ASTE1: variants seen among roughly 807,000 people sequenced by gnomAD.
ASTE1 encodes the protein single-strand DNA endonuclease ASTE1.
ASTE1 carries 49 observed loss-of-function variants against 45.8 expected under a neutral mutation model. The observed-to-expected ratio is 1.07, with a 90% CI of 0.85 to 1.36. The LOEUF is 1.36. Among genes scored for constraint, ASTE1 ranks in the 40% most tolerant of loss-of-function variants. The probability of loss-of-function intolerance (pLI) is 0.00; values close to 1 mark genes in which losing one functional copy is unlikely to be tolerated. For missense variants in ASTE1, 709 were observed against 804.0 expected (o/e 0.88, Z 1.43); for synonymous variants, 296 against 303.9 (o/e 0.97, Z 0.27).
At chr3:131,018,436 T>G (rs2063695767) in intron 4 of ASTE1, 70 bp downstream of exon 4, 1 of 1,450,164 alleles carries the variant, frequency 6.9e-7, no homozygotes, top group Non-Finnish European at 9.6e-7. Flanking sequence ...CTTTTTTGTT[T>G]GTGTAAACTC....
intron 5 of ASTE1, 101 bp downstream of exon 5, chr3:131,016,043 G>GTT (rs34645149): frequency 0.029 from 34,749 of 1,205,604 alleles, no homozygotes; most frequent in East Asian, 0.069. Context: ...TTTTGTTTTG[G>GTT]TTTTTTTTTT....
intron 3 of ASTE1, among the ~76,000 whole-genome samples, chr3:131,021,708 T>C (rs1037149559): frequency 2.6e-5 from 4 of 152,200 alleles, no homozygotes; most frequent in African/African-American, 9.7e-5. Flanking sequence ...AGGAACAAGA[T>C]GAAACTTTAG....
In ASTE1 at chr3:131,017,018, C is replaced by T. The variant is rs1030756746; in HGVS notation, c.1514-679G>A. 11 of 1,289,304 alleles carry T rather than the reference C, an allele frequency of 8.5e-6. No homozygotes were observed. In the African/African-American group the frequency reaches 1.7e-4, roughly 20 times the overall value. 79.9% of individuals were successfully genotyped at this position (1,289,304 alleles called of 1,614,324 possible). A position where few individuals can be genotyped will look rare whatever the true frequency, so the allele number is the denominator to read the frequency against. ...TTACCAACTAGCGAGGAGCAAGACA[C>T]TGAGCCTGCCTGGGTACAGGGTCCA... On this transcript the variant is annotated intron_variant, in intron 4 of 5. Coordinates refer to ENST00000264992, the MANE Select transcript of ASTE1 (RefSeq NM_014065.4).
chr3:131,025,667 G>T, intron 1 of ASTE1, 73 bp from the exon 2 acceptor site: 1 of 212,694 alleles, frequency 4.7e-6, no homozygotes, highest in Non-Finnish European at 9.3e-6. Context: ...ATTCTTAAGT[G>T]GTAATAGTCA....
chr3:131,015,699 T>C (rs1381323929), intron 5 of ASTE1, among the ~76,000 whole-genome samples: 2 of 151,038 alleles, frequency 1.3e-5, no homozygotes, highest in African/African-American at 2.4e-5. Context: ...GTAAGCCATA[T>C]GCCAAGTGGT....
At position 131,024,204 on chromosome 3, in the gene ASTE1, A is replaced by G; in HGVS notation, c.1103T>C (p.Ile368Thr). ...ENMQQPNAHR[I>T]SQPIRQIIYG... Reference sequence around the variant, plus strand: ...GATGATTTGCCTGATGGGCTGAGATATTCTGTGGGCATTTGGTTGCTGCAT... The same window carrying G: ...GATGATTTGCCTGATGGGCTGAGATGTTCTGTGGGCATTTGGTTGCTGCAT... Residue 368 changes from isoleucine (I) to threonine (T), a missense_variant, in exon 3 of 6, where the codon ATA becomes ACA. Coordinates refer to ENST00000264992, the MANE Select transcript of ASTE1 (RefSeq NM_014065.4). The G allele has an allele frequency of 6.2e-7, 1 of 1,614,210 alleles. No homozygotes were observed. Among genetic ancestry groups the G allele is most frequent in the South Asian group, 1.1e-5 (1 of 91,092 alleles).
rs115463671 is a variant in ASTE1 at position 131,023,610 on chromosome 3, T to C, written c.1302+395A>G. 7.6e-3 allele frequency among the ~76,000 whole-genome samples: 1,157 copies of C among 152,344 alleles called. 18 individuals are homozygous for C. Among genetic ancestry groups the C allele is most frequent in the African/African-American group, 0.026 (1,101 of 41,572 alleles). ...CTGAAATCCGATGTAGTCTGAGATG[T>C]TGTGCCTATGATTAGTGTCTATACA... On this transcript the variant is annotated intron_variant, in intron 3 of 5. Transcript: ENST00000264992.
In ASTE1 at chr3:131,025,581, GGCT is replaced by G. The variant is rs1389751090; in HGVS notation, c.-136_-134del. ...GTTGTAATCTTTGGATGGTGACAGAGGCTGCTGCTAATTCTAAAGAAAAATCAG... is the reference window on the plus strand; with the variant it reads ...GTTGTAATCTTTGGATGGTGACAGAGGCTGCTAATTCTAAAGAAAAATCAG... On this transcript the variant is annotated 5_prime_UTR_variant, in exon 2 of 6. Transcript: ENST00000264992. The G allele has an allele frequency of 4.8e-6, 2 of 416,772 alleles. No individual in the cohort carries two copies. Among genetic ancestry groups the G allele is most frequent in the African/African-American group, 4.1e-5 (2 of 49,256 alleles). 25.8% of individuals were successfully genotyped at this position (416,772 alleles called of 1,614,324 possible).
At position 131,024,018 on chromosome 3, in the gene ASTE1, C is replaced by CTTAA; in HGVS notation, c.1285_1288dup (p.Ser430IlefsTer6). On this transcript the variant is annotated frameshift_variant, in exon 3 of 6. Coordinates refer to ENST00000264992, the MANE Select transcript of ASTE1 (RefSeq NM_014065.4). LOFTEE classifies it high-confidence loss of function. ...ACAAATACTTACCTCAGTCAATCTGCTTAAGTCAGAATGATCCTTGGCCAG... is the reference window on the plus strand; with the variant it reads ...ACAAATACTTACCTCAGTCAATCTGCTTAATTAAGTCAGAATGATCCTTGGCCAG... 3 of 1,599,846 alleles carry CTTAA rather than the reference C, an allele frequency of 1.9e-6. No individual in the cohort carries two copies.
In ASTE1 at chr3:131,020,352, G is replaced by A. The variant is rs1410991303; in HGVS notation, c.1303-1636C>T. 4.6e-5 allele frequency among the ~76,000 whole-genome samples: 7 copies of A among 152,270 alleles called. No homozygotes were observed. The Middle Eastern group carries it at 0.02, about 444-fold the overall frequency. ...CAACTACTTTCCCTCTTCCCCAGGG[G>A]GAGCGAAAGCACAAGCCTGCAGAAG... is the stretch of plus-strand genomic sequence containing the variant. On this transcript the variant is annotated intron_variant, in intron 3 of 5. Coordinates refer to ENST00000264992, the MANE Select transcript of ASTE1 (RefSeq NM_014065.4).
Position 131,018,594 on chromosome 3 carries a change from G to A in ASTE1, c.1425C>T (p.His475=). ...PIAVSCYWLQ[H]TETKAKLHHL... ...GATGTAGCTTTGCTTTGGTCTCGGTGTGCTGCAACCAGTAGCAACTGACAG... is the reference window on the plus strand; with the variant it reads ...GATGTAGCTTTGCTTTGGTCTCGGTATGCTGCAACCAGTAGCAACTGACAG... Residue 475 remains histidine (H), a synonymous_variant, in exon 4 of 6, where the codon CAC becomes CAT. Coordinates refer to ENST00000264992, the MANE Select transcript of ASTE1 (RefSeq NM_014065.4). 6.2e-7 allele frequency: 1 copy of A among 1,614,054 alleles called. No individual in the cohort carries two copies. The highest frequency in any genetic ancestry group is 8.5e-7 in the Non-Finnish European group (1 of 1,180,008).
Position 131,018,590 on chromosome 3 carries a change from CG to C in ASTE1, c.1428del (p.Glu477ArgfsTer17). The C allele has an allele frequency of 6.2e-7, 1 of 1,613,930 alleles. No individual in the cohort carries two copies. Among genetic ancestry groups the C allele is most frequent in the African/African-American group, 1.3e-5 (1 of 74,970 alleles). ...AGATGATGTAGCTTTGCTTTGGTCT[CG>C]GTGTGCTGCAACCAGTAGCAACTGA... Reference protein sequence around the residue: ...IAVSCYWLQHTETKAKLHHLQ... With the variant: ...IAVSCYWLQHXETKAKLHHLQ... On this transcript the variant is annotated frameshift_variant, in exon 4 of 6. Coordinates refer to ENST00000264992, the MANE Select transcript of ASTE1 (RefSeq NM_014065.4). LOFTEE classifies it high-confidence loss of function.
chr3:131,018,749 C>T, intron 3 of ASTE1, 33 bp from the exon 4 acceptor site: 1 of 1,600,516 alleles, frequency 6.2e-7, no homozygotes, highest in Non-Finnish European at 8.5e-7. Flanking sequence ...CTGCAAGTTA[C>T]TTTGGGAAAT....
At chr3:131,015,307 C>T (rs2063560077) in intron 5 of ASTE1, 1 of 674,136 alleles carries the variant, frequency 1.5e-6, no homozygotes. Flanking sequence ...GAGTTTACAT[C>T]TGAGTGGAGA....
intron 5 of ASTE1, chr3:131,015,391 A>G (rs367910264): frequency 2.2e-5 from 13 of 587,614 alleles, no homozygotes; most frequent in African/African-American, 9.4e-5. Context: ...GTCAATTACC[A>G]AGATGTCCAA....
intron 3 of ASTE1, among the ~76,000 whole-genome samples, chr3:131,020,338 C>T (rs550032123): frequency 6.6e-6 from 1 of 152,204 alleles, no homozygotes; most frequent in African/African-American, 2.4e-5. Flanking sequence ...AACTACTTTC[C>T]CTCTTCCCCA....
chr3:131,014,147 G>A lies in ASTE1; in HGVS notation c.1950C>T (p.His650=). 6.2e-7 allele frequency: 1 copy of A among 1,613,320 alleles called. No individual in the cohort carries two copies. The highest frequency in any genetic ancestry group is 8.5e-7 in the Non-Finnish European group (1 of 1,179,936). The change falls in exon 6 of 6, where the codon CAC becomes CAT. Residue 650 remains histidine (H), a synonymous_variant. Coordinates refer to ENST00000264992, the MANE Select transcript of ASTE1 (RefSeq NM_014065.4). ...TGTTTCCCTCATACCAACACTTGGT[G>A]TGTGCAGTGGTTCTCCCTCTGTTCT... ...CSKNRGRTTA[H]TKCWYEGNNR... is the part of the protein sequence containing the mutation.
At chr3:131,026,081 T>C (rs1038849606) in intron 1 of ASTE1, 5 of 150,042 alleles carry the variant, frequency 3.3e-5, no homozygotes, top group Non-Finnish European at 7.5e-5. Context: ...CGGGCTTCAA[T>C]ATGGCACAGC....
At chr3:131,021,042 A>G (rs958926951) in intron 3 of ASTE1, among the ~76,000 whole-genome samples, 1 of 152,224 alleles carries the variant, frequency 6.6e-6, no homozygotes, top group South Asian at 2.1e-4. Context: ...AAACATTTTC[A>G]TGACCGTGGA....
Sources: gnomAD v4.1 joint callset for allele counts (sites outside exome capture counted in the v4.1 genomes callset) on GRCh38, gnomAD v4.1.1 for gene constraint, MANE v1.5 for transcripts, NCBI Gene and HGNC (gene_info 2026-07-23, HGNC 2026-07-21) for gene names.